The following CPNE6 variants were observed in gnomAD, a reference collection of about 807,000 sequenced individuals.
CPNE6 encodes the protein copine-6.
Under a neutral mutation model 71.5 loss-of-function variants are expected in CPNE6, and 33 were observed. That is an observed-to-expected ratio of 0.46 (90% confidence interval 0.35 to 0.62). The LOEUF (loss-of-function observed/expected upper bound fraction) is 0.62, where lower values mean the gene tolerates loss of function less well. Ranked by LOEUF, CPNE6 falls within the 20% of genes least tolerant of loss-of-function variation. The probability of loss-of-function intolerance (pLI) is 0.00; values close to 1 mark genes in which losing one functional copy is unlikely to be tolerated. For missense variants in CPNE6, 576 were observed against 747.3 expected (o/e 0.77, Z 2.67); for synonymous variants, 296 against 293.0 (o/e 1.01, Z -0.10).
chr14:24,074,147 C>G lies in CPNE6; in HGVS notation c.423+22C>G. On this transcript the variant is annotated intron_variant, in intron 5 of 17. Coordinates refer to ENST00000397016, the Ensembl canonical transcript of CPNE6. The surrounding 1 kb of genome is among the most constrained non-coding windows in gnomAD (Gnocchi z 4.5). ...CACGGTAGGCAAGATCACCTGTACT[C>G]ACCCTTGGTCCAGGTATTCAATGCC... The G allele has an allele frequency of 6.2e-7, 1 of 1,610,216 alleles. No homozygotes were observed. Among genetic ancestry groups the G allele is most frequent in the South Asian group, 1.1e-5 (1 of 90,988 alleles).
chr14:24,077,173 T>C lies in CPNE6; in HGVS notation c.1319T>C (p.Val440Ala). The change falls in exon 16 of 18, where the codon GTG becomes GCG. Residue 440 changes from valine to alanine, a missense_variant. This residue lies in a region of CPNE6 where 264 missense variants were observed against 339.9 expected (regional missense o/e 0.78). Coordinates refer to ENST00000397016, the Ensembl canonical transcript of CPNE6. This position sits in a 1 kb window ranked among gnomAD's most constrained non-coding sequence, Gnocchi z 6.1. Reference sequence around the variant, plus strand: ...CCTCAGAAGTACTCGGTGCTGCTGGTGCTCACTGACGGTGTGGTGAGCGAC... The same window carrying C: ...CCTCAGAAGTACTCGGTGCTGCTGGCGCTCACTGACGGTGTGGTGAGCGAC... 1 of 1,606,046 alleles carries C rather than the reference T, an allele frequency of 6.2e-7. No homozygotes were observed. Among genetic ancestry groups the C allele is most frequent in the African/African-American group, 1.3e-5 (1 of 75,038 alleles).
At position 24,074,797 on chromosome 14, in the gene CPNE6, TG is replaced by T. The variant is rs1222353501; in HGVS notation, c.672+3del. ...TGTGATGTTCACCGACCTCTCAAGG[TG>T]AAGTCCCAGCCAAGCCAGCACAGCC... On this transcript the variant is annotated splice_donor_region_variant and intron_variant, in intron 8 of 17. Transcript: ENST00000397016. The surrounding 1 kb of genome is among the most constrained non-coding windows in gnomAD (Gnocchi z 4.5). 1 of 1,610,156 alleles carries T rather than the reference TG, an allele frequency of 6.2e-7. No individual in the cohort carries two copies. The highest frequency in any genetic ancestry group is 8.5e-7 in the Non-Finnish European group (1 of 1,178,508).
Position 24,074,747 on chromosome 14 carries a change from C to A in CPNE6, c.624C>A (p.Arg208=), listed in dbSNP as rs149746359. 4.4e-5 allele frequency: 71 copies of A among 1,614,056 alleles called. No homozygotes were observed. The highest frequency in any genetic ancestry group is 6.0e-5 in the Non-Finnish European group (71 of 1,179,986). ...TGAACCCCAGCTGGGAGCCGTTCCG[C>A]CTGTCCCTGCATTCCCTATGCAGCT... Residue 208 remains arginine, a synonymous_variant, in exon 8 of 18, where the codon CGC becomes CGA. Transcript: ENST00000397016. The surrounding 1 kb of genome is among the most constrained non-coding windows in gnomAD (Gnocchi z 4.5).
Position 24,075,060 on chromosome 14 carries a change from TG to T in CPNE6, c.673-110del. On this transcript the variant is annotated intron_variant, in intron 8 of 17. Transcript: ENST00000397016. This position sits in a 1 kb window ranked among gnomAD's most constrained non-coding sequence, Gnocchi z 4.3. Reference sequence around the variant, plus strand: ...CAGGCTGAGGATGTCTGTTTGGGCATGGAGACTCTAAGGCCCAAGTCCCCCT... The same window carrying T: ...CAGGCTGAGGATGTCTGTTTGGGCATGAGACTCTAAGGCCCAAGTCCCCCT... 1.2e-6 allele frequency: 1 copy of T among 837,196 alleles called. No homozygotes were observed. Among genetic ancestry groups the T allele is most frequent in the Non-Finnish European group, 2.1e-6 (1 of 486,928 alleles). The allele number at this position is 837,196 out of a possible 1,614,324, so 51.9% of individuals were successfully genotyped here.
Position 24,073,712 on chromosome 14 carries a change from CTACCTCCAT to C in CPNE6, c.348+35_348+43del. The C allele has an allele frequency of 6.3e-7, 1 of 1,589,464 alleles. No homozygotes were observed. The highest frequency in any genetic ancestry group is 8.6e-7 in the Non-Finnish European group (1 of 1,167,316). On this transcript the variant is annotated intron_variant, in intron 4 of 17. Coordinates refer to ENST00000397016, the Ensembl canonical transcript of CPNE6. This position sits in a 1 kb window ranked among gnomAD's most constrained non-coding sequence, Gnocchi z 5.5. ...TCCCGGCCTCCCCGGCTACCCTACC[CTACCTCCAT>C]CAGCTTTGCCTCTGGAAGCCAAAAA...
At chr14:24,071,501 G>GCCGCCCCCCCCC in intron 1 of CPNE6, 61 bp from the exon 1 acceptor site, 1 of 1,416,704 alleles carries the variant, frequency 7.1e-7, no homozygotes, top group Non-Finnish European at 9.3e-7. Flanking sequence ...CTGGTGCTGC[G>GCCGCCCCCCCCC]CCCCCCCCCA....
At chr14:24,071,501 G>GGGCCCCC in intron 1 of CPNE6, 61 bp from the exon 1 acceptor site, 43 of 1,416,662 alleles carry the variant, frequency 3.0e-5, no homozygotes, top group Non-Finnish European at 3.5e-5. Flanking sequence ...CTGGTGCTGC[G>GGGCCCCC]CCCCCCCCCA....
intron 14 of CPNE6, 30 bp from the exon 14 acceptor site, chr14:24,076,849 G>T (rs367828591): frequency 1.3e-5 from 21 of 1,610,232 alleles, no homozygotes; most frequent in Non-Finnish European, 1.7e-5. Context: ...GCTCATTTCT[G>T]CCAGCTTCAC....
chr14:24,077,202 G>C lies in CPNE6; in HGVS notation c.1348G>C (p.Ala450Pro), dbSNP rs768239373. Residue 450 changes from alanine (A) to proline (P), a missense_variant, in exon 16 of 18, where the codon GCT becomes CCT. Physicochemically the swap from Ala to Pro is conservative, Grantham distance 27. Transcript: ENST00000397016. The surrounding 1 kb of genome is among the most constrained non-coding windows in gnomAD (Gnocchi z 6.1). The stretch of plus-strand genomic sequence containing the variant: ...CACTGACGGTGTGGTGAGCGACATG[G>C]CTGAGACTCGCACTGCTATCGTGCG... 2 of 1,610,508 alleles carry C rather than the reference G, an allele frequency of 1.2e-6. No individual in the cohort carries two copies. Among genetic ancestry groups the C allele is most frequent in the Non-Finnish European group, 1.7e-6 (2 of 1,179,988 alleles).
Position 24,077,503 on chromosome 14 carries a change from G to T in CPNE6, c.1537-90G>T. The T allele has an allele frequency of 6.3e-7, 1 of 1,579,854 alleles. No homozygotes were observed. The highest frequency in any genetic ancestry group is 2.2e-5 in the East Asian group (1 of 44,594). On this transcript the variant is annotated intron_variant, in intron 16 of 17. Transcript: ENST00000397016. The surrounding 1 kb of genome is among the most constrained non-coding windows in gnomAD (Gnocchi z 6.1). ...CTGCTAAGGACGCGGGAGCCCAGCTGGCCACCCTGAAGCCCCACTTCTCCC... is the reference window on the plus strand; with the variant it reads ...CTGCTAAGGACGCGGGAGCCCAGCTTGCCACCCTGAAGCCCCACTTCTCCC...
intron 1 of CPNE6, chr14:24,071,159 G>A (rs536805513): frequency 9.3e-5 from 102 of 1,092,832 alleles, no homozygotes; most frequent in African/African-American, 3.9e-4. Context: ...ATGTGTATCC[G>A]CCGGGGGCTG....
At position 24,076,286 on chromosome 14, in the gene CPNE6, G is replaced by T. The variant is rs1250234430; in HGVS notation, c.1058+4G>T. 2 of 1,614,228 alleles carry T rather than the reference G, an allele frequency of 1.2e-6. No individual in the cohort carries two copies. ...GCATCTGCCAGGACTATGACAGGTAGGAGAGAGTGGGGCGGGAGGGAACAG... is the reference window on the plus strand; with the variant it reads ...GCATCTGCCAGGACTATGACAGGTATGAGAGAGTGGGGCGGGAGGGAACAG... On this transcript the variant is annotated splice_donor_region_variant and intron_variant, in intron 12 of 17. Transcript: ENST00000397016.
exon 3 of CPNE6, chr14:24,072,991 G>C (rs1025189311): frequency 6.3e-7 from 1 of 1,586,450 alleles, no homozygotes; most frequent in Non-Finnish European, 8.6e-7. Flanking sequence ...GACGCTGGGG[G>C]CCTCTCGGGT....
intron 1 of CPNE6, chr14:24,071,254 G>A (rs2035886956): frequency 8.6e-7 from 1 of 1,168,788 alleles, no homozygotes; most frequent in South Asian, 1.6e-5. Flanking sequence ...GTGGGTGCAT[G>A]TGTCGCCATC....
chr14:24,072,731 T>G (rs942444014), intron 2 of CPNE6: 6 of 431,194 alleles, frequency 1.4e-5, no homozygotes, highest in African/African-American at 1.2e-4. Flanking sequence ...AGCACAGGGC[T>G]TCTGAGCAGG....
In CPNE6 at chr14:24,073,392, G is replaced by C. The variant is rs2035962162; in HGVS notation, c.169-107G>C. 5.6e-6 allele frequency: 7 copies of C among 1,250,372 alleles called. No individual in the cohort carries two copies. Among genetic ancestry groups the C allele is most frequent in the African/African-American group, 1.5e-5 (1 of 66,314 alleles). 77.5% of individuals were successfully genotyped at this position (1,250,372 alleles called of 1,614,324 possible). On this transcript the variant is annotated intron_variant, in intron 3 of 17. Transcript: ENST00000397016. This position sits in a 1 kb window ranked among gnomAD's most constrained non-coding sequence, Gnocchi z 5.5. Reference sequence around the variant, plus strand: ...TTAGGAAGAGAAGAGCTGGTTGCTGGGGACGTGGGGGCCCAAGAAGAGCTG... The same window carrying C: ...TTAGGAAGAGAAGAGCTGGTTGCTGCGGACGTGGGGGCCCAAGAAGAGCTG...
Position 24,075,963 on chromosome 14 carries a change from C to T in CPNE6, c.924+77C>T. The T allele has an allele frequency of 6.4e-7, 1 of 1,568,024 alleles. No homozygotes were observed. Among genetic ancestry groups the T allele is most frequent in the Non-Finnish European group, 8.8e-7 (1 of 1,140,164 alleles). ...AGTGAAAGGAAGGAGCCCAGAATCT[C>T]CACTGCCCCAACTTGGGCTGCTCAT... On this transcript the variant is annotated intron_variant, in intron 11 of 17. Coordinates refer to ENST00000397016, the Ensembl canonical transcript of CPNE6. The surrounding 1 kb of genome is among the most constrained non-coding windows in gnomAD (Gnocchi z 4.3).
In CPNE6 at chr14:24,077,289, A is replaced by C; in HGVS notation, c.1435A>C (p.Met479Leu). The C allele has an allele frequency of 6.2e-7, 1 of 1,613,842 alleles. No homozygotes were observed. Among genetic ancestry groups the C allele is most frequent in the Non-Finnish European group, 8.5e-7 (1 of 1,180,004 alleles). Residue 479 changes from methionine (M) to leucine (L), a missense_variant, in exon 16 of 18, where the codon ATG becomes CTG. By Grantham distance (15) the Met-to-Leu change is conservative. Around this residue, in one of 4 missense-constraint regions of CPNE6, gnomAD observed 264 missense variants for 339.9 expected, o/e 0.78. Coordinates refer to ENST00000397016, the Ensembl canonical transcript of CPNE6. The surrounding 1 kb of genome is among the most constrained non-coding windows in gnomAD (Gnocchi z 6.1). ...CGTGGGCAATGCTGACTTCTCTGAC[A>C]TGCGGCTGCTGGATGGCGACGACGG...
In CPNE6 at chr14:24,074,006, A is replaced by G; in HGVS notation, c.349-45A>G. The G allele has an allele frequency of 6.5e-7, 1 of 1,528,526 alleles. No homozygotes were observed. Among genetic ancestry groups the G allele is most frequent in the Non-Finnish European group, 9.1e-7 (1 of 1,101,922 alleles). The allele number at this position is 1,528,526 out of a possible 1,614,324, so 94.7% of individuals were successfully genotyped here. A position where few individuals can be genotyped will look rare whatever the true frequency, so the allele number is the denominator to read the frequency against. Reference sequence around the variant, plus strand: ...TCCATCCCTTGTACGTGGCCAAGGCAGATGGGGATGTCACAGCTGGGTCTC... The same window carrying G: ...TCCATCCCTTGTACGTGGCCAAGGCGGATGGGGATGTCACAGCTGGGTCTC... On this transcript the variant is annotated intron_variant, in intron 4 of 17. Transcript: ENST00000397016. This position sits in a 1 kb window ranked among gnomAD's most constrained non-coding sequence, Gnocchi z 4.5.
Sources: allele counts gnomAD v4.1 joint callset, GRCh38; gene constraint gnomAD v4.1.1; regional missense constraint gnomAD v4.1.1; non-coding constraint Gnocchi (gnomAD v3.1); transcripts MANE v1.5; gene names NCBI Gene and HGNC (gene_info 2026-07-23, HGNC 2026-07-21).